Variants in COG8 observed in about 807,000 individuals in gnomAD.
The protein encoded by COG8 is conserved oligomeric Golgi complex subunit 8.
COG8 carries 45 observed loss-of-function variants against 46.5 expected under a neutral mutation model. The observed-to-expected ratio is 0.97, with a 90% CI of 0.76 to 1.24. The LOEUF (loss-of-function observed/expected upper bound fraction) is 1.24. Among genes scored for constraint, COG8 ranks in the 50% most tolerant of loss-of-function variants. The pLI, the probability that COG8 is intolerant of heterozygous loss-of-function variation, is 0.00. For missense variants in COG8, 793 were observed against 820.8 expected, an observed-to-expected ratio of 0.97 and a Z score of 0.41; for synonymous variants, 407 against 347.8, an observed-to-expected ratio of 1.17 and a Z score of -1.90.
chr16:69,331,014 AT>A lies in COG8; in HGVS notation c.1663del (p.Ile555SerfsTer120). ...GAAAAGCGTCTCTCTCTTTGGCAGG[AT>A]AAAGGCGAGGGGCTCCTGAATGGCG... is the stretch of plus-strand genomic sequence containing the variant. Reference protein sequence around the residue: ...IGAIQEPLAFILPKRETLFTL... With the variant: ...IGAIQEPLAFXLPKRETLFTL... On this transcript the variant is annotated frameshift_variant, in exon 5 of 6. Transcript: ENST00000306875. LOFTEE classifies it high-confidence loss of function. 6.2e-7 allele frequency: 1 copy of A among 1,612,928 alleles called. No homozygotes were observed.
At position 69,330,128 on chromosome 16, in the gene COG8, A is replaced by C. The variant is rs866649611; in HGVS notation, c.*26+685T>G. ...GGGGTTCACGAACACGCGCAGGGGGAAGGGCTCCATTTGGCGGAGCGCGCG... is the reference window on the plus strand; with the variant it reads ...GGGGTTCACGAACACGCGCAGGGGGCAGGGCTCCATTTGGCGGAGCGCGCG... On this transcript the variant is annotated intron_variant, in intron 5 of 5. Coordinates refer to ENST00000306875, the MANE Select transcript of COG8 (RefSeq NM_032382.5). 1.3e-6 allele frequency: 2 copies of C among 1,577,682 alleles called. No individual in the cohort carries two copies. Among genetic ancestry groups the C allele is most frequent in the East Asian group, 2.4e-5 (1 of 40,936 alleles).
At position 69,329,045 on chromosome 16, in the gene COG8, A is replaced by G. The variant is rs1435295152; in HGVS notation, c.*161T>C. 1.2e-6 allele frequency: 2 copies of G among 1,610,866 alleles called. No homozygotes were observed. Among genetic ancestry groups the G allele is most frequent in the Admixed American group, 3.4e-5 (2 of 59,648 alleles). On this transcript the variant is annotated 3_prime_UTR_variant, in exon 6 of 6. Coordinates refer to ENST00000306875, the MANE Select transcript of COG8 (RefSeq NM_032382.5). Reference sequence around the variant, plus strand: ...CTTTAGTCATTCACCTTCATCCAATAGACGTTTGTGAACGTCCTGCTGTCC... The same window carrying G: ...CTTTAGTCATTCACCTTCATCCAATGGACGTTTGTGAACGTCCTGCTGTCC...
Position 69,327,618 on chromosome 16 carries a change from G to A in COG8, c.*1588C>T, listed in dbSNP as rs760276707. On this transcript the variant is annotated 3_prime_UTR_variant, in exon 6 of 6. Coordinates refer to ENST00000306875, the MANE Select transcript of COG8 (RefSeq NM_032382.5). ...CACTTTTTCCTCTAAACAGCTTAAT[G>A]GACTTCCTACTACTTGTATAGTTTG... The A allele has an allele frequency of 6.6e-6, 1 of 152,036 alleles. No homozygotes were observed. Among genetic ancestry groups the A allele is most frequent in the Non-Finnish European group, 1.5e-5 (1 of 68,010 alleles). The allele number at this position is 152,036 out of a possible 1,614,324, so 9.4% of individuals were successfully genotyped here. A position where few individuals can be genotyped will look rare whatever the true frequency, so the allele number is the denominator to read the frequency against.
chr16:69,336,736 G>A (rs1403688173), intron 1 of COG8, 24 bp from the exon 2 acceptor site: 1 of 1,597,600 alleles, frequency 6.3e-7, no homozygotes. Context: ...GAAGAATGTT[G>A]ATCCTTCACT....
Position 69,332,696 on chromosome 16 carries a change from G to A in COG8, c.1582+18C>T, listed in dbSNP as rs1049897935. The A allele has an allele frequency of 1.9e-6, 3 of 1,608,924 alleles. No homozygotes were observed. In the African/African-American group the frequency reaches 4.0e-5, roughly 21 times the overall value. On this transcript the variant is annotated intron_variant, in intron 4 of 5. Transcript: ENST00000306875. ...TTACACATCAGTAAGGCAGTTTACA[G>A]AATTTTCATTCTCTTACCTAAAGTC... is the stretch of plus-strand genomic sequence containing the variant.
At chr16:69,330,111 C>T (rs766161560) in intron 5 of COG8, 7 of 1,584,062 alleles carry the variant, frequency 4.4e-6, no homozygotes, top group Non-Finnish European at 5.1e-6. Context: ...CTGGGGTTCA[C>T]GAACACGCGC....
intron 1 of COG8, 100 bp from the exon 2 acceptor site, chr16:69,336,812 A>G: frequency 1.9e-6 from 2 of 1,043,604 alleles, no homozygotes; most frequent in Non-Finnish European, 3.0e-6. Context: ...TGGATGATCT[A>G]TCTGATTTAT....
In COG8 at chr16:69,336,513, C is replaced by T; in HGVS notation, c.577G>A (p.Val193Ile). Reference sequence around the variant, plus strand: ...CTGGGCAAGGTGGCTACCTGGATGACAGGGATGGAAGAGTATTTCCTCTCC... The same window carrying T: ...CTGGGCAAGGTGGCTACCTGGATGATAGGGATGGAAGAGTATTTCCTCTCC... The part of the protein sequence containing the change: ...RLERKYSSIP[V>I]IQGIVNEVRQ... The change falls in exon 2 of 6, where the codon GTC becomes ATC. Residue 193 changes from valine (V) to isoleucine (I), a missense_variant. Val to Ile is a conservative substitution (Grantham distance 29). Transcript: ENST00000306875. The T allele has an allele frequency of 6.2e-7, 1 of 1,614,058 alleles. No individual in the cohort carries two copies. Among genetic ancestry groups the T allele is most frequent in the Non-Finnish European group, 8.5e-7 (1 of 1,180,014 alleles).
intron 3 of COG8, among the ~76,000 whole-genome samples, chr16:69,334,208 C>G (rs746346556): frequency 7.9e-5 from 12 of 152,182 alleles, no homozygotes; most frequent in Non-Finnish European, 1.5e-4. Context: ...TGCCTGGACT[C>G]CTGACCCACC....
chr16:69,339,363 C>G lies in COG8; in HGVS notation c.190G>C (p.Glu64Gln). The change falls in exon 1 of 6, where the codon GAG (glutamate) becomes CAG (glutamine). Residue 64 changes from glutamate to glutamine, a missense_variant. Physicochemically the swap from Glu to Gln is conservative, Grantham distance 29. Transcript: ENST00000306875. The stretch of plus-strand genomic sequence containing the variant: ...CGCTCCTCCGCCAGGCGCTCGGGCT[C>G]GCGCCGCAGCCGCTCCAGCCCCGAG... ...SGSGLERLRREPERLAEERAQ... is the reference protein window; with the variant it reads ...SGSGLERLRRQPERLAEERAQ... 6.3e-7 allele frequency: 1 copy of G among 1,581,834 alleles called. No homozygotes were observed.
chr16:69,332,174 A>C (rs2011908852), intron 4 of COG8, among the ~76,000 whole-genome samples: 1 of 152,100 alleles, frequency 6.6e-6, no homozygotes, highest in Non-Finnish European at 1.5e-5. Context: ...AACATGGTGA[A>C]ACCCCGTCTC....
chr16:69,339,557 C>T lies in COG8; in HGVS notation c.-5G>A. ...GATAGTCGCCGCGGTCGCCATCTTC[C>T]CAGCAACAACGTCACTTCCCTTCCG... On this transcript the variant is annotated 5_prime_UTR_variant, in exon 1 of 6. Transcript: ENST00000306875. The T allele has an allele frequency of 6.2e-7, 1 of 1,609,182 alleles. No individual in the cohort carries two copies. Among genetic ancestry groups the T allele is most frequent in the Non-Finnish European group, 8.5e-7 (1 of 1,179,992 alleles).
rs565702622 is a variant in COG8 at position 69,328,860 on chromosome 16, A to G, written c.*346T>C. ...TTGTCCGTAACTGATTTCAGGGCAA[A>G]CATTTCTGACATCTTCCTCCAGCTC... On this transcript the variant is annotated 3_prime_UTR_variant, in exon 6 of 6. Coordinates refer to ENST00000306875, the MANE Select transcript of COG8 (RefSeq NM_032382.5). 2.1e-6 allele frequency: 2 copies of G among 949,248 alleles called. No homozygotes were observed. Among genetic ancestry groups the G allele is most frequent in the African/African-American group, 1.7e-5 (1 of 59,456 alleles). 58.8% of individuals were successfully genotyped at this position (949,248 alleles called of 1,614,324 possible). A position where few individuals can be genotyped will look rare whatever the true frequency, so the allele number is the denominator to read the frequency against.
At position 69,336,549 on chromosome 16, in the gene COG8, C is replaced by T. The variant is rs757588056; in HGVS notation, c.541G>A (p.Val181Ile). The change falls in exon 2 of 6, where the codon GTA (valine) becomes ATA (isoleucine). Residue 181 changes from valine (V) to isoleucine (I), a missense_variant. Physicochemically the swap from Val to Ile is conservative, Grantham distance 29. Coordinates refer to ENST00000306875, the MANE Select transcript of COG8 (RefSeq NM_032382.5). Reference sequence around the variant, plus strand: ...GAGTATTTCCTCTCCAGTCGGCGTACGTAGGCTGCAAGCTCCAGGGCCTCT... The same window carrying T: ...GAGTATTTCCTCTCCAGTCGGCGTATGTAGGCTGCAAGCTCCAGGGCCTCT... ...YEEALELAAY[V>I]RRLERKYSSI... 10 of 1,614,182 alleles carry T rather than the reference C, an allele frequency of 6.2e-6. No homozygotes were observed. Among genetic ancestry groups the T allele is most frequent in the Admixed American group, 5.0e-5 (3 of 60,022 alleles).
rs756986120 is a variant in COG8 at position 69,339,541 on chromosome 16, C to A, written c.12G>T (p.Ala4=). MAT[A]ATIPSVATAT... is the part of the protein sequence containing the mutation. ...CCGTGGCTACCGATGGGATAGTCGC[C>A]GCGGTCGCCATCTTCCCAGCAACAA... The change falls in exon 1 of 6, where the codon GCG becomes GCT. Residue 4 remains alanine, a synonymous_variant. Coordinates refer to ENST00000306875, the MANE Select transcript of COG8 (RefSeq NM_032382.5). The A allele has an allele frequency of 2.5e-6, 4 of 1,608,900 alleles. No individual in the cohort carries two copies. In the East Asian group the frequency reaches 8.9e-5, roughly 36 times the overall value.
In COG8 at chr16:69,339,382, C is replaced by A; in HGVS notation, c.171G>T (p.Gly57=). The change falls in exon 1 of 6, where the codon GGG becomes GGT. Residue 57 remains glycine (G), a synonymous_variant. Transcript: ENST00000306875. ...CGGGCTCGCGCCGCAGCCGCTCCAG[C>A]CCCGAGCCGCTCAACTCCCGGAGGT... is the stretch of plus-strand genomic sequence containing the variant. The part of the protein sequence containing the change: ...GRYLRELSGS[G]LERLRREPER... 1 of 1,585,576 alleles carries A rather than the reference C, an allele frequency of 6.3e-7. No homozygotes were observed. Among genetic ancestry groups the A allele is most frequent in the South Asian group, 1.1e-5 (1 of 89,420 alleles).
chr16:69,337,334 T>C (rs919573507), intron 1 of COG8, among the ~76,000 whole-genome samples: 77 of 148,618 alleles, frequency 5.2e-4, no homozygotes, highest in Non-Finnish European at 7.7e-4. Context: ...GTGTAAGAAC[T>C]AAATGAGATG....
Position 69,335,282 on chromosome 16 carries a change from T to G in COG8, c.652A>C (p.Thr218Pro), listed in dbSNP as rs567580841. 7.4e-6 allele frequency: 12 copies of G among 1,612,600 alleles called. No individual in the cohort carries two copies. The highest frequency in any genetic ancestry group is 8.5e-6 in the Non-Finnish European group (10 of 1,179,782). Residue 218 changes from threonine (T) to proline (P), a missense_variant, in exon 3 of 6, where the codon ACC (threonine) becomes CCC (proline). Coordinates refer to ENST00000306875, the MANE Select transcript of COG8 (RefSeq NM_032382.5). Reference protein sequence around the residue: ...MLSQLIQQLRTNIQLPACLRV... With the variant: ...MLSQLIQQLRPNIQLPACLRV... ...AGGCAGGCAGGAAGCTGGATGTTGG[T>G]CCTCAGTTGCTGGATCAGCTGGCTC...
chr16:69,336,664 A>G lies in COG8; in HGVS notation c.426T>C (p.Asn142=), dbSNP rs372270200. ...CTGTGTGCCGGTTTAGGGTCAGGCTATTCATCCGGCGGTTGGAGCTGATCT... is the reference window on the plus strand; with the variant it reads ...CTGTGTGCCGGTTTAGGGTCAGGCTGTTCATCCGGCGGTTGGAGCTGATCT... ...AEEISSNRRM[N]SLTLNRHTEI... is the part of the protein sequence containing the mutation. Residue 142 remains asparagine (N), a synonymous_variant, in exon 2 of 6, where the codon AAT becomes AAC. Transcript: ENST00000306875. 9 of 1,614,002 alleles carry G rather than the reference A, an allele frequency of 5.6e-6. No individual in the cohort carries two copies. The highest frequency in any genetic ancestry group is 1.6e-4 in the Middle Eastern group (1 of 6,084).
Sources: allele counts gnomAD v4.1 joint callset (sites outside exome capture counted in the v4.1 genomes callset), GRCh38; gene constraint gnomAD v4.1.1; transcripts MANE v1.5; gene names NCBI Gene and HGNC (gene_info 2026-07-23, HGNC 2026-07-21).